RNFT2: variants seen among roughly 807,000 people sequenced by gnomAD.
RNFT2 encodes the protein E3 ubiquitin-protein ligase RNFT2.
RNFT2 carries 36 observed loss-of-function variants against 53.0 expected under a neutral mutation model. That is an observed-to-expected ratio of 0.68 (90% CI 0.52 to 0.90). RNFT2 has a LOEUF of 0.90. RNFT2 is among the 40% of genes least tolerant of loss of function. The pLI is 0.00. For missense variants in RNFT2, 514 were observed against 585.6 expected (o/e 0.88, Z 1.26); for synonymous variants, 260 against 253.2 (o/e 1.03, Z -0.26).
chr12:116,821,203 T>C (rs777237900), intron 7 of RNFT2, among the ~76,000 whole-genome samples: 13 of 150,284 alleles, frequency 8.7e-5, no homozygotes, highest in Non-Finnish European at 1.6e-4. Context: ...CCCAGCCCCA[T>C]TTCCCCCTCC....
intron 6 of RNFT2, among the ~76,000 whole-genome samples, 190 bp downstream of exon 6, chr12:116,767,104 T>C (rs1260270366): frequency 6.6e-6 from 1 of 152,226 alleles, no homozygotes; most frequent in Non-Finnish European, 1.5e-5. Flanking sequence ...GCAAGCCACA[T>C]AGGTAAATTA....
At chr12:116,829,216 A>G (rs1397870125) in intron 7 of RNFT2, among the ~76,000 whole-genome samples, 1 of 152,112 alleles carries the variant, frequency 6.6e-6, no homozygotes, top group Non-Finnish European at 1.5e-5. Flanking sequence ...GCAGCAGGAT[A>G]TGGACAGGCT....
intron 7 of RNFT2, among the ~76,000 whole-genome samples, chr12:116,800,719 C>T (rs1451242829): frequency 1.3e-5 from 2 of 151,582 alleles, no homozygotes; most frequent in Admixed American, 1.3e-4. Flanking sequence ...GGGGCTGAGG[C>T]AAGAGAATTG....
At chr12:116,817,982 A>G (rs768286602) in intron 7 of RNFT2, among the ~76,000 whole-genome samples, 5 of 152,224 alleles carry the variant, frequency 3.3e-5, no homozygotes, top group Non-Finnish European at 5.9e-5. Flanking sequence ...AAGTTTCAAC[A>G]AGCACTAGAG....
chr12:116,800,438 G>A (rs1874713086), intron 7 of RNFT2, among the ~76,000 whole-genome samples: 1 of 150,816 alleles, frequency 6.6e-6, no homozygotes, highest in African/African-American at 2.4e-5. Flanking sequence ...TTCAAGTCCA[G>A]CCTGGCCAAC....
chr12:116,755,709 A>C, intron 5 of RNFT2: 1 of 1,504,466 alleles, frequency 6.6e-7, no homozygotes. Flanking sequence ...CCATGGTAAC[A>C]CTTACGGGGC....
chr12:116,796,778 C>T (rs1431079018), intron 7 of RNFT2, among the ~76,000 whole-genome samples: 1 of 152,186 alleles, frequency 6.6e-6, no homozygotes, highest in East Asian at 1.9e-4. Flanking sequence ...GTATTCTAAG[C>T]CTCAGCTATG....
In RNFT2 at chr12:116,849,511, G is replaced by T; in HGVS notation, c.*63G>T. The T allele has an allele frequency of 6.6e-7, 1 of 1,504,890 alleles. No individual in the cohort carries two copies. The highest frequency in any genetic ancestry group is 8.9e-7 in the Non-Finnish European group (1 of 1,124,238). 93.2% of individuals were successfully genotyped at this position (1,504,890 alleles called of 1,614,324 possible). ...TCAGCATGCCCGGACCCAGCCCTGC[G>T]GGGGCTTCCTGAGAAACAGGCCTCA... On this transcript the variant is annotated 3_prime_UTR_variant, in exon 11 of 11. Coordinates refer to ENST00000257575, the MANE Select transcript of RNFT2 (RefSeq NM_001382266.1).
At chr12:116,847,134 C>T (rs1877659163) in intron 10 of RNFT2, among the ~76,000 whole-genome samples, 1 of 151,950 alleles carries the variant, frequency 6.6e-6, no homozygotes, top group African/African-American at 2.4e-5. Flanking sequence ...GTCTGAAACT[C>T]CTGACCTCAG....
intron 7 of RNFT2, among the ~76,000 whole-genome samples, chr12:116,827,873 A>G (rs576649409): frequency 6.6e-6 from 1 of 152,234 alleles, no homozygotes; most frequent in East Asian, 1.9e-4. Context: ...CCAAAACTAA[A>G]CCTAAGGTGG....
Position 116,768,099 on chromosome 12 carries a change from C to CTT in RNFT2, c.728+1200_728+1201dup, listed in dbSNP as rs528793630. Among the ~76,000 whole-genome samples the CTT allele has an allele frequency of 4.7e-3, 625 of 131,956 alleles. 12 individuals carry two copies. The highest frequency in any genetic ancestry group is 0.015 in the African/African-American group (546 of 35,244). The allele number at this position is 131,956 out of a possible 152,430, so 86.6% of individuals were successfully genotyped here. On this transcript the variant is annotated intron_variant, in intron 6 of 10. Transcript: ENST00000257575. ...AGAAACTTACTTTGCACAGTTTGGC[C>CTT]TTTTTTTTTTTTTTTTGGAGATGGA...
At position 116,739,830 on chromosome 12, in the gene RNFT2, G is replaced by A. The variant is rs188080784; in HGVS notation, c.-153-515G>A. Among the ~76,000 whole-genome samples the A allele has an allele frequency of 5.9e-5, 9 of 152,362 alleles. No individual in the cohort carries two copies. The East Asian group carries it at 9.6e-4, about 16-fold the overall frequency. ...TTGATTCTGATTGCACTGGGCAGCC[G>A]TTGGAGGGTTTAAAACATATTTTCT... On this transcript the variant is annotated intron_variant, in intron 1 of 10. Coordinates refer to ENST00000257575, the MANE Select transcript of RNFT2 (RefSeq NM_001382266.1).
intron 6 of RNFT2, among the ~76,000 whole-genome samples, chr12:116,778,693 T>C (rs1873550407): frequency 6.6e-6 from 1 of 152,094 alleles, no homozygotes; most frequent in Admixed American, 6.6e-5. Flanking sequence ...CTACTAAAAA[T>C]ACAAAAAATT....
At chr12:116,804,534 T>C (rs933045223) in intron 7 of RNFT2, among the ~76,000 whole-genome samples, 18 of 152,176 alleles carry the variant, frequency 1.2e-4, no homozygotes, top group Non-Finnish European at 4.4e-5. Flanking sequence ...TGTTTCTTTA[T>C]TTTTTTACCA....
At chr12:116,843,492 C>CAAAA (rs35687933) in intron 10 of RNFT2, among the ~76,000 whole-genome samples, 33 of 65,104 alleles carry the variant, frequency 5.1e-4, no homozygotes, top group African/African-American at 1.7e-3. Flanking sequence ...GACTGTGTCT[C>CAAAA]AAAAAAAAAA....
chr12:116,789,332 TA>T (rs1874100126), intron 7 of RNFT2, among the ~76,000 whole-genome samples: 1 of 140,728 alleles, frequency 7.1e-6, no homozygotes, highest in Non-Finnish European at 1.5e-5. Context: ...GATGGATGGG[TA>T]AATGGAAAGA....
intron 7 of RNFT2, 131 bp from the exon 8 acceptor site, chr12:116,833,661 T>A: frequency 4.5e-6 from 4 of 889,812 alleles, no homozygotes; most frequent in Non-Finnish European, 3.5e-6. Flanking sequence ...CTGGCCTGAG[T>A]GCTTTCCAGA....
intron 7 of RNFT2, among the ~76,000 whole-genome samples, chr12:116,819,503 G>A (rs1875881496): frequency 6.6e-6 from 1 of 152,118 alleles, no homozygotes; most frequent in African/African-American, 2.4e-5. Context: ...TTGGGAGCGC[G>A]GGGACAGCCG....
chr12:116,779,389 G>A lies in RNFT2; in HGVS notation c.882+41G>A, dbSNP rs1455163765. 8.1e-6 allele frequency: 13 copies of A among 1,609,004 alleles called. No individual in the cohort carries two copies. In the East Asian group the frequency reaches 2.7e-4, roughly 33 times the overall value. Reference sequence around the variant, plus strand: ...GGCCACAAGGTAGCCCCAGTCACATGGATCATGCAGAGGATTCAGGGTGCC... The same window carrying A: ...GGCCACAAGGTAGCCCCAGTCACATAGATCATGCAGAGGATTCAGGGTGCC... On this transcript the variant is annotated intron_variant, in intron 7 of 10. Coordinates refer to ENST00000257575, the MANE Select transcript of RNFT2 (RefSeq NM_001382266.1).
Sources: gnomAD v4.1 joint callset for allele counts (sites outside exome capture counted in the v4.1 genomes callset) on GRCh38, gnomAD v4.1.1 for gene constraint, MANE v1.5 for transcripts, NCBI Gene and HGNC (gene_info 2026-07-23, HGNC 2026-07-21) for gene names.